The following FMN2 variants were observed in gnomAD, a reference collection of about 807,000 sequenced individuals.
The protein encoded by FMN2 is formin-2.
Under a neutral mutation model 142.3 loss-of-function variants are expected in FMN2, and 51 were observed. The observed-to-expected ratio is 0.36, with a 90% CI of 0.29 to 0.45. FMN2 has a LOEUF of 0.45. FMN2 is among the 20% of genes least tolerant of loss of function. FMN2 has a pLI of 1.00. For synonymous variants in FMN2, 882 were observed against 869.8 expected, an observed-to-expected ratio of 1.01 and a Z score of -0.25; for missense variants, 1,936 against 2,122.8, an observed-to-expected ratio of 0.91 and a Z score of 1.73.
intron 2 of FMN2, chr1:240,143,490 C>T (rs1204655906): frequency 1.3e-6 from 2 of 1,554,922 alleles, no homozygotes; most frequent in East Asian, 4.5e-5. Flanking sequence ...TCTTTTCCTT[C>T]TTGCCTTTGT....
intron 2 of FMN2, among the ~76,000 whole-genome samples, chr1:240,146,808 T>A (rs891108512): frequency 6.6e-6 from 1 of 152,200 alleles, no homozygotes; most frequent in Non-Finnish European, 1.5e-5. Flanking sequence ...TGCCCCCAAA[T>A]AAGTGAACAC....
intron 7 of FMN2, among the ~76,000 whole-genome samples, chr1:240,278,181 G>T (rs1669281255): frequency 6.6e-6 from 1 of 152,048 alleles, no homozygotes; most frequent in East Asian, 1.9e-4. Context: ...AGGCATTTGG[G>T]GCTCCTGGCC....
chr1:240,242,948 G>C (rs765665886), intron 6 of FMN2, among the ~76,000 whole-genome samples: 4 of 152,180 alleles, frequency 2.6e-5, no homozygotes, highest in Non-Finnish European at 4.4e-5. Context: ...CAACCAGATA[G>C]TCTGGAGATA....
At position 240,473,567 on chromosome 1, in the gene FMN2, T is replaced by A. The variant is rs184220500; in HGVS notation, c.5143-561T>A. Among the ~76,000 whole-genome samples, 3,087 of 152,264 alleles carry A rather than the reference T, an allele frequency of 0.02. 100 individuals carry two copies. The highest frequency in any genetic ancestry group is 0.07 in the African/African-American group (2,920 of 41,530). Reference sequence around the variant, plus strand: ...TATGATTAAATAGCCCTGTTTTTTTTTAAAAAGTTAGGAATTATATCTTCA... The same window carrying A: ...TATGATTAAATAGCCCTGTTTTTTTATAAAAAGTTAGGAATTATATCTTCA... On this transcript the variant is annotated intron_variant, in intron 17 of 17. Coordinates refer to ENST00000319653, the MANE Select transcript of FMN2 (RefSeq NM_020066.5). This position sits in a 1 kb window ranked among gnomAD's most constrained non-coding sequence, Gnocchi z 4.3.
rs1474378044 is a variant in FMN2, at chr1:240,170,782, T to C, written c.1783-7139T>C. ...CGTCTTTGGCCTGGGAGGAGTTGGA[T>C]TGACAGTTATCGTGGGCGGTAAAGT... On this transcript the variant is annotated intron_variant, in intron 2 of 17. Coordinates refer to ENST00000319653, the MANE Select transcript of FMN2 (RefSeq NM_020066.5). 1.7e-5 allele frequency: 19 copies of C among 1,125,488 alleles called. No individual in the cohort carries two copies. In the East Asian group the frequency reaches 2.1e-4, roughly 13 times the overall value. The allele number at this position is 1,125,488 out of a possible 1,614,324, so 69.7% of individuals were successfully genotyped here. A position where few individuals can be genotyped will look rare whatever the true frequency, so the allele number is the denominator to read the frequency against.
intron 3 of FMN2, among the ~76,000 whole-genome samples, chr1:240,185,738 G>T (rs1665419135): frequency 6.6e-6 from 1 of 152,196 alleles, no homozygotes; most frequent in South Asian, 2.1e-4. Context: ...CACCAGGAGA[G>T]CCTTTAGGCT....
intron 4 of FMN2, among the ~76,000 whole-genome samples, chr1:240,202,077 C>T (rs73112897): frequency 0.021 from 3,244 of 152,228 alleles, 126 homozygotes; most frequent in African/African-American, 0.074. Context: ...TTACCTCATT[C>T]GACTTTCTAA....
chr1:240,419,034 C>T (rs185837621), intron 15 of FMN2, among the ~76,000 whole-genome samples: 13 of 152,178 alleles, frequency 8.5e-5, no homozygotes, highest in Admixed American at 2.0e-4. Flanking sequence ...CTTGATCCCG[C>T]GAGGCGGAGG....
intron 13 of FMN2, among the ~76,000 whole-genome samples, chr1:240,355,508 C>T (rs1437000110): frequency 6.6e-6 from 1 of 152,154 alleles, no homozygotes; most frequent in Non-Finnish European, 1.5e-5. Context: ...GCAGGCTCTG[C>T]TATCATGCCC....
intron 15 of FMN2, among the ~76,000 whole-genome samples, chr1:240,434,584 T>G (rs1213333684): frequency 6.6e-6 from 1 of 151,394 alleles, no homozygotes; most frequent in Non-Finnish European, 1.5e-5. Context: ...TTTTTTGAGA[T>G]GGAGTCTCGC....
At chr1:240,179,780 G>C (rs1173799880) in intron 3 of FMN2, 2 of 153,530 alleles carry the variant, frequency 1.3e-5, no homozygotes, top group East Asian at 3.8e-4. Context: ...GGTAGATATA[G>C]TTGAATTAAT....
chr1:240,295,213 C>T (rs1384587200), intron 8 of FMN2, among the ~76,000 whole-genome samples: 1 of 141,468 alleles, frequency 7.1e-6, no homozygotes, highest in Non-Finnish European at 1.6e-5. Flanking sequence ...CACACACACA[C>T]ACACACACAC....
intron 14 of FMN2, among the ~76,000 whole-genome samples, chr1:240,367,148 G>A (rs999928753): frequency 7.2e-5 from 11 of 152,182 alleles, no homozygotes; most frequent in East Asian, 1.9e-4. Context: ...GTGGTATTTC[G>A]TTGAGGTTTT....
intron 14 of FMN2, among the ~76,000 whole-genome samples, chr1:240,387,852 A>G (rs138268773): frequency 6.6e-6 from 1 of 152,116 alleles, no homozygotes; most frequent in African/African-American, 2.4e-5. Flanking sequence ...ATGACTAGAC[A>G]CCAGGTGATT....
intron 7 of FMN2, among the ~76,000 whole-genome samples, chr1:240,288,758 T>A (rs57156050): frequency 0.01 from 1,565 of 152,154 alleles, 23 homozygotes; most frequent in African/African-American, 0.034. Flanking sequence ...GGAAGCCAAC[T>A]ACCTTGAGAG....
At chr1:240,254,453 G>A (rs1381480607) in intron 6 of FMN2, among the ~76,000 whole-genome samples, 1 of 152,080 alleles carries the variant, frequency 6.6e-6, no homozygotes, top group Non-Finnish European at 1.5e-5. Context: ...GGGGGAGTGG[G>A]ATGGGTTTTA....
chr1:240,452,133 G>C (rs767162259), intron 16 of FMN2, among the ~76,000 whole-genome samples: 9 of 151,844 alleles, frequency 5.9e-5, no homozygotes, highest in Non-Finnish European at 8.8e-5. Context: ...AGGGGTTGCA[G>C]TGAGCCGAGA....
chr1:240,284,659 G>A (rs1669526173), intron 7 of FMN2, among the ~76,000 whole-genome samples: 1 of 152,088 alleles, frequency 6.6e-6, no homozygotes, highest in African/African-American at 2.4e-5. Context: ...ATTAGATGAA[G>A]GATTATAAAA....
chr1:240,294,807 C>G lies in FMN2; in HGVS notation c.4154-15C>G, dbSNP rs1669912299. On this transcript the variant is annotated splice_polypyrimidine_tract_variant and intron_variant, in intron 7 of 17. Transcript: ENST00000319653. ...GTGGCTTATGGCAATTTATATTCTT[C>G]TTTTTTTTCCACAGCTGTTGTGAAC... The G allele has an allele frequency of 1.2e-6, 2 of 1,612,464 alleles. No individual in the cohort carries two copies. Among genetic ancestry groups the G allele is most frequent in the Non-Finnish European group, 1.7e-6 (2 of 1,178,768 alleles).
Sources: allele counts gnomAD v4.1 joint callset (sites outside exome capture counted in the v4.1 genomes callset), GRCh38; gene constraint gnomAD v4.1.1; non-coding constraint Gnocchi (gnomAD v3.1); transcripts MANE v1.5; gene names NCBI Gene and HGNC (gene_info 2026-07-23, HGNC 2026-07-21).